TRIM6: variants seen among roughly 807,000 people sequenced by gnomAD.
The protein encoded by TRIM6 is tripartite motif containing 6.
TRIM6 carries 43 observed loss-of-function variants against 51.2 expected under a neutral mutation model. The observed-to-expected ratio is 0.84, with a 90% confidence interval of 0.66 to 1.08. The LOEUF is 1.08. Among genes scored for constraint, TRIM6 ranks in the 50% least tolerant of loss-of-function variants. The pLI is 0.00. For missense variants in TRIM6, 669 were observed against 619.0 expected (o/e 1.08, Z -0.86); for synonymous variants, 215 against 232.4 (o/e 0.93, Z 0.68).
At chr11:5,610,089 T>G in intron 5 of TRIM6, 56 bp from the exon 6 acceptor site, 1 of 1,585,558 alleles carries the variant, frequency 6.3e-7, no homozygotes, top group Non-Finnish European at 8.6e-7. Context: ...GGGAGATGGG[T>G]GGTGGAGGAA....
rs550641989 is a variant in TRIM6, at chr11:5,604,747, C to G, written c.603+118C>G. ...CTGATGCCATGACTAGAAGAGCTTCCCTTTGCCTGGTCCTCCACTATATTC... is the reference window on the plus strand; with the variant it reads ...CTGATGCCATGACTAGAAGAGCTTCGCTTTGCCTGGTCCTCCACTATATTC... On this transcript the variant is annotated intron_variant, in intron 3 of 7. Transcript: ENST00000380097. 3 of 1,088,848 alleles carry G rather than the reference C, an allele frequency of 2.8e-6. No homozygotes were observed. In the African/African-American group the frequency reaches 4.8e-5, roughly 17 times the overall value. The allele number at this position is 1,088,848 out of a possible 1,614,324, so 67.4% of individuals were successfully genotyped here. A position where few individuals can be genotyped will look rare whatever the true frequency, so the allele number is the denominator to read the frequency against.
At chr11:5,602,591 T>C (rs1847938297) in intron 1 of TRIM6, among the ~76,000 whole-genome samples, 2 of 151,888 alleles carry the variant, frequency 1.3e-5, no homozygotes, top group South Asian at 4.2e-4. Context: ...GAACGACAAA[T>C]GCAAAAATCC....
At chr11:5,610,373 G>A (rs777752369) in intron 6 of TRIM6, 128 bp downstream of exon 6, 2 of 1,563,394 alleles carry the variant, frequency 1.3e-6, no homozygotes, top group Non-Finnish European at 8.7e-7. Context: ...GAGGGACATA[G>A]TGTGCTGAAG....
chr11:5,606,679 C>T (rs538283366), intron 4 of TRIM6, among the ~76,000 whole-genome samples: 11 of 152,128 alleles, frequency 7.2e-5, no homozygotes, highest in Non-Finnish European at 1.2e-4. Context: ...CTTTCTCCTT[C>T]ACCTTTTGTT....
At chr11:5,610,741 C>A in intron 7 of TRIM6, 36 bp from the exon 8 acceptor site, 1 of 1,602,992 alleles carries the variant, frequency 6.2e-7, no homozygotes. Context: ...CCCATGTCCC[C>A]GTTCTCATCT....
chr11:5,599,249 G>T (rs925800920), intron 1 of TRIM6, among the ~76,000 whole-genome samples: 1 of 152,142 alleles, frequency 6.6e-6, no homozygotes, highest in African/African-American at 2.4e-5. Context: ...GCATTTATGA[G>T]GCAGTAGTTC....
chr11:5,609,489 T>C (rs948024789), intron 5 of TRIM6, among the ~76,000 whole-genome samples: 2 of 152,202 alleles, frequency 1.3e-5, no homozygotes, highest in Non-Finnish European at 2.9e-5. Flanking sequence ...ATTTTAAATA[T>C]TTTATATCTT....
In TRIM6 at chr11:5,611,297, T is replaced by G. The variant is rs760064006; in HGVS notation, c.1506T>G (p.Pro502=). The G allele has an allele frequency of 6.8e-6, 11 of 1,614,058 alleles. No homozygotes were observed. The South Asian group carries it at 1.2e-4, about 18-fold the overall frequency. The change falls in exon 8 of 8, where the codon CCT becomes CCG. Residue 502 remains proline (P), a synonymous_variant. Transcript: ENST00000380097. ...FPTTLCPYFN[P]CNCVIPMTLR... is the part of the protein sequence containing the mutation. ...CTACTCTTTGTCCATATTTTAATCCTTGCAACTGTGTAATTCCTATGACCC... is the reference window on the plus strand; with the variant it reads ...CTACTCTTTGTCCATATTTTAATCCGTGCAACTGTGTAATTCCTATGACCC...
chr11:5,610,781 C>A lies in TRIM6; in HGVS notation c.990C>A (p.Asp330Glu). Residue 330 changes from aspartate to glutamate, a missense_variant, in exon 8 of 8, where the codon GAC becomes GAA. Asp to Glu is a conservative substitution (Grantham distance 45). Transcript: ENST00000380097. ...ELTDVQSYWVDVTLNPHTANL... is the reference protein window; with the variant it reads ...ELTDVQSYWVEVTLNPHTANL... ...ATGTTGTACCTTTTCCTACAGTTGA[C>A]GTGACCCTGAATCCACACACAGCTA... 6.2e-7 allele frequency: 1 copy of A among 1,613,848 alleles called. No homozygotes were observed. Among genetic ancestry groups the A allele is most frequent in the Non-Finnish European group, 8.5e-7 (1 of 1,179,826 alleles).
chr11:5,609,470 A>T (rs1848431743), intron 5 of TRIM6, among the ~76,000 whole-genome samples: 7 of 152,044 alleles, frequency 4.6e-5, no homozygotes. Context: ...GACATCTTCA[A>T]CCCCTCTGAT....
chr11:5,611,204 T>C lies in TRIM6; in HGVS notation c.1413T>C (p.Thr471=), dbSNP rs1848559172. ...VGVFLDYEAG[T]VSFYNVTNHG... ...TTTTCTTAGATTATGAGGCTGGTAC[T>C]GTCTCCTTTTATAATGTCACAAACC... The change falls in exon 8 of 8, where the codon ACT becomes ACC. Residue 471 remains threonine, a synonymous_variant. Transcript: ENST00000380097. The C allele has an allele frequency of 1.9e-5, 31 of 1,614,196 alleles. No homozygotes were observed. Among genetic ancestry groups the C allele is most frequent in the Non-Finnish European group, 2.6e-5 (31 of 1,180,032 alleles).
intron 4 of TRIM6, 37 bp downstream of exon 4, chr11:5,605,604 G>A (rs373114709): frequency 6.4e-7 from 1 of 1,572,896 alleles, no homozygotes; most frequent in East Asian, 2.3e-5. Flanking sequence ...TGAGAGTCAA[G>A]GAAAAGAGAA....
chr11:5,604,962 A>G (rs1459082451), intron 3 of TRIM6, among the ~76,000 whole-genome samples: 2 of 152,146 alleles, frequency 1.3e-5, no homozygotes, highest in Non-Finnish European at 2.9e-5. Context: ...AAATGCAGGT[A>G]AGGCTTGTGA....
In TRIM6 at chr11:5,605,320, C is replaced by A; in HGVS notation, c.604-17C>A. ...TGTGACCGACTAGCAGCCTCTTTTT[C>A]TTCCCTGTTCCTGAAGAATCAGATG... On this transcript the variant is annotated splice_polypyrimidine_tract_variant and intron_variant, in intron 3 of 7. Transcript: ENST00000380097. 2 of 1,613,832 alleles carry A rather than the reference C, an allele frequency of 1.2e-6. No individual in the cohort carries two copies. The highest frequency in any genetic ancestry group is 1.7e-6 in the Non-Finnish European group (2 of 1,179,932).
At chr11:5,603,201 C>T (rs956452180) in intron 1 of TRIM6, 45 bp from the exon 2 acceptor site, 4 of 1,580,014 alleles carry the variant, frequency 2.5e-6, no homozygotes, top group Non-Finnish European at 2.6e-6. Context: ...CTTATTCTCC[C>T]TCCTTTCTTA....
chr11:5,601,952 T>C (rs1418400441), intron 1 of TRIM6, among the ~76,000 whole-genome samples: 1 of 151,984 alleles, frequency 6.6e-6, no homozygotes, highest in African/African-American at 2.4e-5. Context: ...AAAGAGCTCA[T>C]GGAAAGGTCA....
chr11:5,610,329 T>C (rs1289642426), intron 6 of TRIM6, 84 bp downstream of exon 6: 7 of 1,595,668 alleles, frequency 4.4e-6, no homozygotes, highest in Admixed American at 1.7e-5. Flanking sequence ...TAGTCGGTAT[T>C]TGAGCATAGT....
intron 2 of TRIM6, 77 bp downstream of exon 2, chr11:5,603,812 T>G (rs529560523): frequency 2.9e-4 from 445 of 1,542,364 alleles, no homozygotes; most frequent in Non-Finnish European, 3.6e-4. Flanking sequence ...TGCTCTGATC[T>G]AATCTCTTTG....
intron 2 of TRIM6, 82 bp from the exon 3 acceptor site, chr11:5,604,452 A>T (rs1848080744): frequency 6.9e-7 from 1 of 1,447,282 alleles, no homozygotes; most frequent in Non-Finnish European, 9.2e-7. Flanking sequence ...GGTTAGCAGA[A>T]TCTCTGTCCC....
Sources: gnomAD v4.1 joint callset for allele counts (sites outside exome capture counted in the v4.1 genomes callset) on GRCh38, gnomAD v4.1.1 for gene constraint, MANE v1.5 for transcripts, NCBI Gene and HGNC (gene_info 2026-07-23, HGNC 2026-07-21) for gene names.